LPIN1: variants seen among roughly 807,000 people sequenced by gnomAD.
The protein encoded by LPIN1 is lipin 1, also known as phosphatidate phosphatase LPIN1.
A neutral mutation model predicts 107.5 loss-of-function variants in LPIN1; 71 were observed. The ratio of observed to expected loss-of-function variants is 0.66; its 90% confidence interval spans 0.55 to 0.80. The LOEUF (loss-of-function observed/expected upper bound fraction) is 0.80, where lower values mean the gene tolerates loss of function less well. Ranked by LOEUF, LPIN1 falls within the 30% of genes least tolerant of loss-of-function variation. The pLI is 0.00. For missense variants in LPIN1, 1,043 were observed against 1,160.6 expected (o/e 0.90, Z 1.47); for synonymous variants, 445 against 452.6 (o/e 0.98, Z 0.21).
At chr2:11,776,761 C>G (rs1349348673) in intron 6 of LPIN1, among the ~76,000 whole-genome samples, 1 of 152,188 alleles carries the variant, frequency 6.6e-6, no homozygotes, top group Admixed American at 6.5e-5. Context: ...GGTGTGTTCA[C>G]TCGATGTAGT....
At chr2:11,732,456 C>T (rs1665329411) in intron 1 of LPIN1, among the ~76,000 whole-genome samples, 1 of 152,152 alleles carries the variant, frequency 6.6e-6, no homozygotes, top group African/African-American at 2.4e-5. Flanking sequence ...GGGCTTTATT[C>T]CCAGCTGTCT....
intron 14 of LPIN1, among the ~76,000 whole-genome samples, chr2:11,796,128 A>G (rs1676668732): frequency 6.6e-6 from 1 of 152,126 alleles, no homozygotes; most frequent in African/African-American, 2.4e-5. Context: ...TTTACTTCTT[A>G]CTTCATGTTT....
At chr2:11,824,184 A>G (rs1162990745) in intron 20 of LPIN1, among the ~76,000 whole-genome samples, 2 of 152,016 alleles carry the variant, frequency 1.3e-5, no homozygotes, top group Admixed American at 1.3e-4. Context: ...CTGAACATCA[A>G]ATTAATGTCT....
At chr2:11,785,225 C>G (rs1281768108) in intron 10 of LPIN1, 149 bp downstream of exon 10, 3 of 651,684 alleles carry the variant, frequency 4.6e-6, no homozygotes, top group Non-Finnish European at 7.7e-6. Context: ...CTCATAATCC[C>G]GATGTTTCTG....
rs751486963 is a variant in LPIN1 at position 11,782,459 on chromosome 2, A to G, written c.1216A>G (p.Ser406Gly). 3 of 1,614,194 alleles carry G rather than the reference A, an allele frequency of 1.9e-6. No homozygotes were observed. In the Admixed American group the frequency reaches 5.0e-5, roughly 27 times the overall value. The change falls in exon 8 of 21, where the codon AGT (serine) becomes GGT (glycine). Residue 406 changes from serine (S) to glycine (G), a missense_variant. Coordinates refer to ENST00000674199, the MANE Select transcript of LPIN1 (RefSeq NM_001349206.2). Reference sequence around the variant, plus strand: ...CGAGGAGCTCAAACCCCCCTCTGCCAGTGTAGTCCAGACAGCAAACAAGAC... The same window carrying G: ...CGAGGAGCTCAAACCCCCCTCTGCCGGTGTAGTCCAGACAGCAAACAAGAC... ...MIEELKPPSASVVQTANKTDS... is the reference protein window; with the variant it reads ...MIEELKPPSAGVVQTANKTDS...
chr2:11,805,989 C>G (rs181640354), intron 17 of LPIN1, among the ~76,000 whole-genome samples: 1 of 152,144 alleles, frequency 6.6e-6, no homozygotes, highest in Non-Finnish European at 1.5e-5. Flanking sequence ...GTCTCCCATG[C>G]GAGTGAAATC....
At chr2:11,780,839 T>A (rs994926177) in intron 7 of LPIN1, among the ~76,000 whole-genome samples, 7 of 152,232 alleles carry the variant, frequency 4.6e-5, no homozygotes, top group African/African-American at 1.4e-4. Context: ...AATATTTGCA[T>A]TCTTTCTCCT....
intron 14 of LPIN1, among the ~76,000 whole-genome samples, chr2:11,799,912 C>G (rs1251247779): frequency 6.6e-6 from 1 of 152,212 alleles, no homozygotes; most frequent in African/African-American, 2.4e-5. Flanking sequence ...CATCTCCACT[C>G]TACCTAGAAT....
chr2:11,729,775 T>C (rs1405981834), intron 1 of LPIN1, among the ~76,000 whole-genome samples: 1 of 152,232 alleles, frequency 6.6e-6, no homozygotes, highest in Non-Finnish European at 1.5e-5. Flanking sequence ...GCCTTCAAGA[T>C]GTTCTCTTTG....
chr2:11,743,257 C>T (rs1167989733), upstream of LPIN1, among the ~76,000 whole-genome samples: 1 of 152,232 alleles, frequency 6.6e-6, no homozygotes, highest in Non-Finnish European at 1.5e-5. This position sits in a 1 kb window ranked among gnomAD's most constrained non-coding sequence, Gnocchi z 4.7. Flanking sequence ...CTCTAATCTG[C>T]AGGCCCTGCC....
chr2:11,762,061 T>C (rs1016551682), intron 1 of LPIN1, among the ~76,000 whole-genome samples: 1 of 152,064 alleles, frequency 6.6e-6, no homozygotes, highest in Admixed American at 6.5e-5. Flanking sequence ...GGGCCTCCTG[T>C]GCTTCTGCTT....
chr2:11,712,538 C>A (rs558795492), intron 1 of LPIN1, among the ~76,000 whole-genome samples: 1 of 152,264 alleles, frequency 6.6e-6, no homozygotes, highest in South Asian at 2.1e-4. Context: ...CAGTACCTAG[C>A]GAAGTACATG....
intron 1 of LPIN1, among the ~76,000 whole-genome samples, chr2:11,685,649 C>T (rs773013190): frequency 8.5e-5 from 13 of 152,170 alleles, no homozygotes; most frequent in Admixed American, 4.6e-4. Context: ...GTTTTAGAGA[C>T]GGGTTACCGA....
At chr2:11,736,689 T>C (rs75443198) in intron 1 of LPIN1, among the ~76,000 whole-genome samples, 279 of 152,360 alleles carry the variant, frequency 1.8e-3, no homozygotes, top group Non-Finnish European at 3.2e-3. Flanking sequence ...TTGCCAATGA[T>C]TGAAATACTA....
chr2:11,745,151 C>G (rs1572521653), upstream of LPIN1: 3 of 152,328 alleles, frequency 2.0e-5, no homozygotes, highest in East Asian at 3.9e-4. Context: ...GGTTCCATCT[C>G]CACACTGAGA....
At chr2:11,787,679 C>T (rs1025201605) in intron 11 of LPIN1, among the ~76,000 whole-genome samples, 47 of 151,986 alleles carry the variant, frequency 3.1e-4, no homozygotes, top group African/African-American at 8.2e-4. Context: ...CAGTGGCTGG[C>T]GCCTGTAAAC....
At chr2:11,680,351 A>G (rs528615771) in intron 1 of LPIN1, among the ~76,000 whole-genome samples, 187 of 151,970 alleles carry the variant, frequency 1.2e-3, no homozygotes, top group African/African-American at 4.5e-3. Context: ...ATTCCCAGAG[A>G]CTCTGGGCTT....
At chr2:11,693,131 A>G (rs1198223533) in intron 1 of LPIN1, among the ~76,000 whole-genome samples, 5 of 151,288 alleles carry the variant, frequency 3.3e-5, no homozygotes, top group Non-Finnish European at 7.4e-5. Flanking sequence ...AAGGCGGGGC[A>G]CTCGTCCTCA....
intron 10 of LPIN1, among the ~76,000 whole-genome samples, chr2:11,785,554 C>G (rs888108701): frequency 1.3e-5 from 2 of 152,194 alleles, no homozygotes; most frequent in Non-Finnish European, 2.9e-5. Flanking sequence ...CCCAGGGCCT[C>G]CTGACAGTTC....
Sources: gnomAD v4.1 joint callset for allele counts (sites outside exome capture counted in the v4.1 genomes callset) on GRCh38, gnomAD v4.1.1 for gene constraint, Gnocchi (gnomAD v3.1) non-coding constraint, MANE v1.5 for transcripts, NCBI Gene and HGNC (gene_info 2026-07-23, HGNC 2026-07-21) for gene names.